Variants in IFT46 observed in about 807,000 individuals in gnomAD.
IFT46 encodes intraflagellar transport 46.
A neutral mutation model predicts 39.6 loss-of-function variants in IFT46; 19 were observed. The observed-to-expected ratio is 0.48, with a 90% CI of 0.33 to 0.70. IFT46 has a LOEUF of 0.70. IFT46 is among the 30% of genes least tolerant of loss of function. IFT46 has a pLI of 0.01. For synonymous variants in IFT46, 117 were observed against 134.8 expected (o/e 0.87, Z 0.91); for missense variants, 334 against 364.8 (o/e 0.92, Z 0.69).
At chr11:118,572,459 T>G (rs1036347437) in intron 1 of IFT46, 29 of 1,443,648 alleles carry the variant, frequency 2.0e-5, no homozygotes, top group Non-Finnish European at 2.8e-5. Flanking sequence ...GGGCAGCAGG[T>G]CCAGAGCTGC....
chr11:118,568,077 G>T (rs1157862835), upstream of IFT46, among the ~76,000 whole-genome samples: 1 of 152,156 alleles, frequency 6.6e-6, no homozygotes, highest in Non-Finnish European at 1.5e-5. Flanking sequence ...GTTTAATTCA[G>T]CTACCGTTAT....
At chr11:118,569,785 G>A (rs1938298567), upstream of IFT46, among the ~76,000 whole-genome samples, 1 of 152,220 alleles carries the variant, frequency 6.6e-6, no homozygotes, top group Non-Finnish European at 1.5e-5. Context: ...TGTGAAGTTA[G>A]AGTAATGGCT....
Position 118,552,311 on chromosome 11 carries a change from C to G in IFT46, c.508G>C (p.Glu170Gln), listed in dbSNP as rs370185844. 36 of 1,614,076 alleles carry G rather than the reference C, an allele frequency of 2.2e-5. No individual in the cohort carries two copies. The African/African-American group carries it at 4.1e-4, about 19-fold the overall frequency. ...ITQHMKVKSL[E>Q]DAEKNPKAID... ...GCTTTGGGATTCTTTTCTGCATCTT[C>G]TAGGCTTTTTACTTTCATATGTTGC... The change falls in exon 8 of 12, where the codon GAA becomes CAA. Residue 170 changes from glutamate to glutamine, a missense_variant. Glu to Gln is a conservative substitution (Grantham distance 29). Coordinates refer to ENST00000264021, the MANE Select transcript of IFT46 (RefSeq NM_001168618.2).
intron 4 of IFT46, 72 bp downstream of exon 4, chr11:118,556,834 A>T: frequency 1.4e-6 from 2 of 1,443,932 alleles, no homozygotes; most frequent in Non-Finnish European, 1.8e-6. Flanking sequence ...CTTCTAACTG[A>T]CGTCCTCCCA....
At chr11:118,556,790 AATACAGGAG>A (rs1211903281) in intron 4 of IFT46, 107 bp downstream of exon 4, 5 of 1,294,020 alleles carry the variant, frequency 3.9e-6, no homozygotes, top group Non-Finnish European at 5.1e-6. Flanking sequence ...GAAAATCCTA[AATACAGGAG>A]ATCAAAAGAG....
chr11:118,557,274 G>A, intron 3 of IFT46: 1 of 435,280 alleles, frequency 2.3e-6, no homozygotes. Flanking sequence ...CTTGAGGCTG[G>A]GGTATAAATT....
intron 8 of IFT46, 113 bp from the exon 9 acceptor site, chr11:118,551,965 G>T: frequency 1.7e-6 from 2 of 1,156,528 alleles, no homozygotes; most frequent in Non-Finnish European, 2.6e-6. Flanking sequence ...ACATCAGGAA[G>T]GCTTCAGGAG....
rs1473234995 is a variant in IFT46 at position 118,551,804 on chromosome 11, A to C, written c.654T>G (p.Phe218Leu). 1 of 1,614,020 alleles carries C rather than the reference A, an allele frequency of 6.2e-7. No homozygotes were observed. The highest frequency in any genetic ancestry group is 1.3e-5 in the African/African-American group (1 of 74,916). The change falls in exon 9 of 12, where the codon TTT becomes TTG. Residue 218 changes from phenylalanine (F) to leucine (L), a missense_variant. Phe to Leu is a conservative substitution (Grantham distance 22, BLOSUM62 0). Transcript: ENST00000264021. ...CACTCACCTTGCCCAAAAGCTCTTC[A>C]AACTCCGGGGACCATTCCTGCATCA... ...DTLMQEWSPE[F>L]EELLGKVSLP...
upstream of IFT46, among the ~76,000 whole-genome samples, chr11:118,569,002 C>T (rs147990687): frequency 0.011 from 1,597 of 151,566 alleles, 14 homozygotes; most frequent in Middle Eastern, 0.031. Flanking sequence ...AAAAATAGGC[C>T]GGGAGCTGTG....
At chr11:118,545,892 T>C (rs1158857067) in intron 9 of IFT46, 39 bp from the exon 10 acceptor site, 2 of 1,583,774 alleles carry the variant, frequency 1.3e-6, no homozygotes, top group Non-Finnish European at 1.7e-6. Flanking sequence ...AAAAGGATGG[T>C]GTCAGTGGTC....
At chr11:118,570,045 CTTTT>C (rs1162103875), upstream of IFT46, among the ~76,000 whole-genome samples, 1 of 113,550 alleles carries the variant, frequency 8.8e-6, no homozygotes, top group East Asian at 2.6e-4. Flanking sequence ...CCACGCCCAG[CTTTT>C]TTTTTTTTTT....
At position 118,557,615 on chromosome 11, in the gene IFT46, T is replaced by A. The variant is rs1937884208; in HGVS notation, c.46-570A>T. The A allele has an allele frequency of 2.5e-6, 3 of 1,184,554 alleles. No homozygotes were observed. In the South Asian group the frequency reaches 4.1e-5, roughly 16 times the overall value. 73.4% of individuals were successfully genotyped at this position (1,184,554 alleles called of 1,614,324 possible). On this transcript the variant is annotated intron_variant, in intron 3 of 11. Transcript: ENST00000264021. ...GACTTTCCATTTTTGTTCAGTGATA[T>A]TTCTCTTCATGGAGTATCTGACCTA...
chr11:118,547,992 C>T (rs1277977941), intron 9 of IFT46, among the ~76,000 whole-genome samples: 1 of 148,744 alleles, frequency 6.7e-6, no homozygotes, highest in Non-Finnish European at 1.5e-5. Flanking sequence ...GTGATCCGCC[C>T]GCCTCGGCCT....
chr11:118,553,548 T>C (rs782337288), intron 7 of IFT46, among the ~76,000 whole-genome samples: 3 of 152,104 alleles, frequency 2.0e-5, no homozygotes, highest in Non-Finnish European at 4.4e-5. Flanking sequence ...CTCTCATTCA[T>C]TGCTGGTGGG....
In IFT46 at chr11:118,564,946, C is replaced by T. The variant is rs555815418; in HGVS notation, c.-36+19G>A. 1 of 152,736 alleles carries T rather than the reference C, an allele frequency of 6.5e-6. No individual in the cohort carries two copies. The highest frequency in any genetic ancestry group is 2.1e-4 in the South Asian group (1 of 4,816). The allele number at this position is 152,736 out of a possible 1,614,324, so 9.5% of individuals were successfully genotyped here. A position where few individuals can be genotyped will look rare whatever the true frequency, so the allele number is the denominator to read the frequency against. ...CCATCCTGCTCTTTCAGTAGCATTT[C>T]TCTTCTTTCCTCTCTTACCTTGGTG... On this transcript the variant is annotated intron_variant, in intron 2 of 11. Coordinates refer to ENST00000264021, the MANE Select transcript of IFT46 (RefSeq NM_001168618.2).
intron 7 of IFT46, among the ~76,000 whole-genome samples, chr11:118,552,920 TAA>T (rs139584869): frequency 3.0e-5 from 4 of 133,616 alleles, no homozygotes; most frequent in Non-Finnish European, 4.9e-5. Flanking sequence ...AAATAAAAAT[TAA>T]AAAAAAAAAA....
chr11:118,557,769 C>A (rs1555069804), intron 3 of IFT46: 2 of 1,614,152 alleles, frequency 1.2e-6, no homozygotes, highest in East Asian at 4.5e-5. Context: ...TCTGTACCAT[C>A]CCACCCTCTC....
intron 10 of IFT46, 76 bp downstream of exon 10, chr11:118,545,717 G>C: frequency 6.9e-7 from 1 of 1,449,250 alleles, no homozygotes; most frequent in Non-Finnish European, 9.7e-7. Flanking sequence ...TATCTTCCCA[G>C]AGTAAACAAG....
Position 118,544,704 on chromosome 11 carries a change from G to GGTGGTCGCCGTAT in IFT46, c.*211_*212insATACGGCGACCAC. The GGTGGTCGCCGTAT allele has an allele frequency of 1.9e-6, 1 of 518,730 alleles. No individual in the cohort carries two copies. The highest frequency in any genetic ancestry group is 3.2e-5 in the East Asian group (1 of 31,530). The allele number at this position is 518,730 out of a possible 1,614,324, so 32.1% of individuals were successfully genotyped here. On this transcript the variant is annotated 3_prime_UTR_variant, in exon 12 of 12. Coordinates refer to ENST00000264021, the MANE Select transcript of IFT46 (RefSeq NM_001168618.2). ...CTCAAATCCCCACAGTGGTGTAGATGCATTAACTCCCCGGGGACAGCAATC... is the reference window on the plus strand; with the variant it reads ...CTCAAATCCCCACAGTGGTGTAGATGGTGGTCGCCGTATCATTAACTCCCCGGGGACAGCAATC...
Sources: gnomAD v4.1 joint callset for allele counts (sites outside exome capture counted in the v4.1 genomes callset) on GRCh38, gnomAD v4.1.1 for gene constraint, MANE v1.5 for transcripts, NCBI Gene and HGNC (gene_info 2026-07-23, HGNC 2026-07-21) for gene names.